The following SLC47A1 variants were observed in gnomAD, a reference collection of about 807,000 sequenced individuals.
The protein encoded by SLC47A1 is multidrug and toxin extrusion protein 1.
Under a neutral mutation model 65.8 loss-of-function variants are expected in SLC47A1, and 58 were observed. The ratio of observed to expected loss-of-function variants is 0.88; its 90% confidence interval spans 0.71 to 1.10. The LOEUF is 1.10. Among genes scored for constraint, SLC47A1 ranks in the 50% least tolerant of loss-of-function variants. The pLI is 0.00. For missense variants in SLC47A1, 706 were observed against 719.2 expected (o/e 0.98, Z 0.21); for synonymous variants, 285 against 295.0 (o/e 0.97, Z 0.35).
At chr17:19,575,472 C>T (rs1205004413) in intron 16 of SLC47A1, among the ~76,000 whole-genome samples, 1 of 150,244 alleles carries the variant, frequency 6.7e-6, no homozygotes, top group Non-Finnish European at 1.5e-5. Flanking sequence ...AATTATAGCT[C>T]ACTGCAGTCT....
intron 12 of SLC47A1, among the ~76,000 whole-genome samples, chr17:19,561,516 G>T (rs1207646842): frequency 2.6e-5 from 4 of 151,686 alleles, no homozygotes; most frequent in Admixed American, 1.3e-4. Flanking sequence ...GGTGGCGGGC[G>T]CCTGTAGTCC....
At chr17:19,576,256 T>G (rs1342843460) in intron 16 of SLC47A1, among the ~76,000 whole-genome samples, 3 of 149,864 alleles carry the variant, frequency 2.0e-5, no homozygotes, top group African/African-American at 7.4e-5. Flanking sequence ...TGGGGTGAAA[T>G]TCTCTGCAAT....
At chr17:19,542,266 A>T in intron 1 of SLC47A1, 127 bp from the exon 2 acceptor site, 2 of 508,604 alleles carry the variant, frequency 3.9e-6, no homozygotes, top group Non-Finnish European at 6.9e-6. Flanking sequence ...GAAAGGTGGC[A>T]GAGGCTCACT....
chr17:19,556,837 G>A (rs955928779), intron 10 of SLC47A1, among the ~76,000 whole-genome samples: 5 of 152,168 alleles, frequency 3.3e-5, no homozygotes, highest in African/African-American at 1.2e-4. Flanking sequence ...GATTACAGGC[G>A]TGAGCCACCG....
In SLC47A1 at chr17:19,577,741, C is replaced by T; in HGVS notation, c.*188C>T. 7.1e-7 allele frequency: 1 copy of T among 1,412,346 alleles called. No homozygotes were observed. The highest frequency in any genetic ancestry group is 9.2e-7 in the Non-Finnish European group (1 of 1,088,158). The allele number at this position is 1,412,346 out of a possible 1,614,324, so 87.5% of individuals were successfully genotyped here. On this transcript the variant is annotated 3_prime_UTR_variant, in exon 17 of 17. Coordinates refer to ENST00000270570, the MANE Select transcript of SLC47A1 (RefSeq NM_018242.3). ...ACTAAGGTTAAAAGCTATATTGTGG[C>T]CCAAGACACTGTCTGAAAGATGACA...
chr17:19,538,331 T>G (rs1486439921), intron 1 of SLC47A1, among the ~76,000 whole-genome samples: 1 of 152,150 alleles, frequency 6.6e-6, no homozygotes, highest in East Asian at 1.9e-4. Context: ...CACTGTAGAG[T>G]GTCAGCTGCC....
chr17:19,557,002 A>G (rs375151173), intron 10 of SLC47A1, among the ~76,000 whole-genome samples: 25 of 152,346 alleles, frequency 1.6e-4, no homozygotes, highest in African/African-American at 6.0e-4. Context: ...CATAGAGAAC[A>G]CTAGTCATTA....
In SLC47A1 at chr17:19,577,849, T is replaced by C. The variant is rs1412468493; in HGVS notation, c.*296T>C. 1 of 1,270,060 alleles carries C rather than the reference T, an allele frequency of 7.9e-7. No individual in the cohort carries two copies. Among genetic ancestry groups the C allele is most frequent in the Admixed American group, 3.3e-5 (1 of 30,126 alleles). 78.7% of individuals were successfully genotyped at this position (1,270,060 alleles called of 1,614,324 possible). A position where few individuals can be genotyped will look rare whatever the true frequency, so the allele number is the denominator to read the frequency against. On this transcript the variant is annotated 3_prime_UTR_variant, in exon 17 of 17. Coordinates refer to ENST00000270570, the MANE Select transcript of SLC47A1 (RefSeq NM_018242.3). ...GCCAATGGCTTTGATACTTCTGCTA[T>C]TTTTTTAGACACAAACCCATAAACT...
intron 2 of SLC47A1, 109 bp downstream of exon 2, chr17:19,542,603 C>T: frequency 1.1e-6 from 1 of 891,646 alleles, no homozygotes; most frequent in South Asian, 1.8e-5. Context: ...CAGACTTATT[C>T]TCTTACAGTG....
intron 4 of SLC47A1, among the ~76,000 whole-genome samples, chr17:19,548,609 C>T (rs897149412): frequency 9.2e-5 from 14 of 151,852 alleles, no homozygotes; most frequent in South Asian, 6.2e-4. Context: ...AAGCAATTCT[C>T]CTGCCTCAGG....
chr17:19,541,268 G>A (rs917971132), intron 1 of SLC47A1, among the ~76,000 whole-genome samples: 12 of 152,148 alleles, frequency 7.9e-5, no homozygotes, highest in Admixed American at 5.9e-4. Context: ...TGCAGGCAGC[G>A]GCGGCAGCAG....
intron 5 of SLC47A1, among the ~76,000 whole-genome samples, 158 bp from the exon 6 acceptor site, chr17:19,551,266 T>C (rs1019061936): frequency 2.6e-5 from 4 of 152,194 alleles, no homozygotes; most frequent in Admixed American, 2.0e-4. Flanking sequence ...CATAACACCC[T>C]GGCCCCAGCC....
At chr17:19,577,246 C>G in intron 16 of SLC47A1, 81 bp from the exon 17 acceptor site, 1 of 1,550,382 alleles carries the variant, frequency 6.5e-7, no homozygotes, top group South Asian at 1.2e-5. Flanking sequence ...ACTATTAGCA[C>G]ATATTCCTTT....
chr17:19,571,389 G>T, intron 14 of SLC47A1, 89 bp from the exon 15 acceptor site: 1 of 1,109,114 alleles, frequency 9.0e-7, no homozygotes, highest in Non-Finnish European at 1.3e-6. Flanking sequence ...ATTCAGTATG[G>T]CTGACAGAAG....
Position 19,562,066 on chromosome 17 carries a change from CTA to C in SLC47A1, c.1106+1578_1106+1579del, listed in dbSNP as rs577894792. 2.0e-5 allele frequency among the ~76,000 whole-genome samples: 3 copies of C among 152,302 alleles called. No individual in the cohort carries two copies. In the South Asian group the frequency reaches 6.2e-4, roughly 32 times the overall value. ...AGCGATGCTAGTGTGTACATTCGGA[CTA>C]TATAGAAACTTCGTGGGGGTACTTC... is the stretch of plus-strand genomic sequence containing the variant. On this transcript the variant is annotated intron_variant, in intron 12 of 16. Coordinates refer to ENST00000270570, the MANE Select transcript of SLC47A1 (RefSeq NM_018242.3).
At chr17:19,540,791 GAGAGA>G (rs1230790706) in intron 1 of SLC47A1, among the ~76,000 whole-genome samples, 3,070 of 152,158 alleles carry the variant, frequency 0.02, 98 homozygotes, top group African/African-American at 0.07. Context: ...CTGTGGTAGT[GAGAGA>G]AGTGCCTGGA....
intron 4 of SLC47A1, among the ~76,000 whole-genome samples, chr17:19,549,039 A>G (rs924463490): frequency 3.3e-5 from 5 of 152,180 alleles, no homozygotes; most frequent in African/African-American, 1.2e-4. Flanking sequence ...AACATCCTGC[A>G]GTGCTCGGGA....
At chr17:19,551,203 G>A (rs1345669991) in intron 5 of SLC47A1, among the ~76,000 whole-genome samples, 1 of 152,162 alleles carries the variant, frequency 6.6e-6, no homozygotes, top group African/African-American at 2.4e-5. Context: ...CAGATGGAGG[G>A]AATATGCTTG....
At chr17:19,534,750 T>C (rs1257488253) in intron 1 of SLC47A1, 2 of 152,032 alleles carry the variant, frequency 1.3e-5, no homozygotes, top group African/African-American at 4.8e-5. Context: ...GGGGTCGAGG[T>C]GTTCTTATCT....
Sources: allele counts gnomAD v4.1 joint callset (sites outside exome capture counted in the v4.1 genomes callset), GRCh38; gene constraint gnomAD v4.1.1; transcripts MANE v1.5; gene names NCBI Gene and HGNC (gene_info 2026-07-23, HGNC 2026-07-21).